The following CA10 variants were observed in gnomAD, a reference collection of about 807,000 sequenced individuals.
The protein encoded by CA10 is carbonic anhydrase-related protein 10.
CA10 carries 14 observed loss-of-function variants against 44.2 expected under a neutral mutation model. The ratio of observed to expected loss-of-function variants is 0.32; its 90% CI spans 0.21 to 0.50. CA10 has a LOEUF of 0.50. CA10 is among the 20% of genes least tolerant of loss of function. The pLI is 0.99. For synonymous variants in CA10, 159 were observed against 141.6 expected (o/e 1.12, Z -0.87); for missense variants, 350 against 409.7 (o/e 0.85, Z 1.26).
chr17:51,910,698 C>T (rs972658598), intron 3 of CA10, among the ~76,000 whole-genome samples: 1 of 152,050 alleles, frequency 6.6e-6, no homozygotes, highest in African/African-American at 2.4e-5. Flanking sequence ...TAAAACACAT[C>T]GATTGTTCAA....
intron 2 of CA10, among the ~76,000 whole-genome samples, chr17:51,988,064 A>C (rs1001913535): frequency 2.6e-5 from 4 of 152,084 alleles, no homozygotes; most frequent in Non-Finnish European, 4.4e-5. Context: ...AATGAATAAT[A>C]GTAATGTCAT....
At chr17:51,921,302 G>A (rs560319996) in intron 3 of CA10, among the ~76,000 whole-genome samples, 1 of 152,072 alleles carries the variant, frequency 6.6e-6, no homozygotes, top group Non-Finnish European at 1.5e-5. Context: ...TCTGTGCCAC[G>A]GGTCTCCATG....
At chr17:52,059,098 T>C (rs1455535620) in intron 2 of CA10, among the ~76,000 whole-genome samples, 1 of 152,146 alleles carries the variant, frequency 6.6e-6, no homozygotes, top group Admixed American at 6.6e-5. Flanking sequence ...TAAATTCTGC[T>C]TGCTTCCTCT....
chr17:51,788,494 A>G (rs951247635), intron 3 of CA10, among the ~76,000 whole-genome samples: 10 of 152,226 alleles, frequency 6.6e-5, no homozygotes, highest in African/African-American at 1.9e-4. Flanking sequence ...TTCATTTAAC[A>G]TGATGACCTC....
chr17:52,044,163 A>T (rs1986844616), intron 2 of CA10, among the ~76,000 whole-genome samples: 1 of 152,060 alleles, frequency 6.6e-6, no homozygotes, highest in Non-Finnish European at 1.5e-5. Context: ...GGTAGAATTC[A>T]CCCATGATCC....
intron 4 of CA10, among the ~76,000 whole-genome samples, chr17:51,716,273 A>G (rs1916111876): frequency 6.6e-6 from 1 of 151,824 alleles, no homozygotes; most frequent in African/African-American, 2.4e-5. Flanking sequence ...TATATTATAG[A>G]CTCTTTAATC....
chr17:51,919,193 C>T (rs1272543405), intron 3 of CA10, among the ~76,000 whole-genome samples: 2 of 151,948 alleles, frequency 1.3e-5, no homozygotes, highest in African/African-American at 2.4e-5. Flanking sequence ...ATTTTCCAAC[C>T]AAAGATACCT....
At chr17:51,760,023 T>C (rs898345984) in intron 3 of CA10, among the ~76,000 whole-genome samples, 2 of 152,216 alleles carry the variant, frequency 1.3e-5, no homozygotes, top group African/African-American at 4.8e-5. Flanking sequence ...TTTAATGTCA[T>C]TTAATTCAAT....
intron 1 of CA10, among the ~76,000 whole-genome samples, chr17:52,094,399 T>C (rs1443751451): frequency 6.6e-6 from 1 of 151,950 alleles, no homozygotes; most frequent in Non-Finnish European, 1.5e-5. Context: ...GAATGTATCG[T>C]CAGGAAACTG....
At chr17:52,157,657 T>C (rs1567751425) in intron 1 of CA10, 69 bp downstream of exon 1, 2 of 1,436,874 alleles carry the variant, frequency 1.4e-6, no homozygotes, top group African/African-American at 1.4e-5. Context: ...CTATATACAA[T>C]AAAACCCCAT....
intron 4 of CA10, among the ~76,000 whole-genome samples, chr17:51,739,610 C>T (rs1243122891): frequency 6.6e-6 from 1 of 152,028 alleles, no homozygotes; most frequent in African/African-American, 2.4e-5. Context: ...AATGCAATGC[C>T]CTCTCTCTTA....
intron 1 of CA10, among the ~76,000 whole-genome samples, chr17:52,111,661 G>A (rs1439771766): frequency 6.6e-6 from 1 of 152,168 alleles, no homozygotes; most frequent in Non-Finnish European, 1.5e-5. Context: ...GAAAGAGAGA[G>A]CTGGGTTGGT....
intron 4 of CA10, among the ~76,000 whole-genome samples, chr17:51,730,565 C>A (rs1567819863): frequency 1.3e-5 from 2 of 152,140 alleles, no homozygotes; most frequent in South Asian, 4.1e-4. Flanking sequence ...GTAAATTAAA[C>A]CCTGACCCCA....
chr17:51,834,021 C>T (rs1365429113), intron 3 of CA10, among the ~76,000 whole-genome samples: 2 of 152,204 alleles, frequency 1.3e-5, no homozygotes, highest in Non-Finnish European at 2.9e-5. Flanking sequence ...ATGTAACTTT[C>T]TTTTCCTATT....
At chr17:51,963,122 T>C (rs918059967) in intron 2 of CA10, among the ~76,000 whole-genome samples, 5 of 152,118 alleles carry the variant, frequency 3.3e-5, no homozygotes, top group Admixed American at 2.6e-4. Flanking sequence ...CAAAATATAA[T>C]TGAAAGCTTT....
chr17:51,873,207 T>C lies in CA10; in HGVS notation c.279+57783A>G, dbSNP rs189993928. ...GCGTTAAAGATTAAATAAAATAATA[T>C]TTGAAGGTACTTAGAACAAGGTACA... On this transcript the variant is annotated intron_variant, in intron 3 of 8. Coordinates refer to ENST00000451037, the MANE Select transcript of CA10 (RefSeq NM_020178.5). 2.0e-5 allele frequency among the ~76,000 whole-genome samples: 3 copies of C among 152,308 alleles called. No homozygotes were observed. In the East Asian group the frequency reaches 5.8e-4, roughly 29 times the overall value.
At chr17:51,959,495 G>A (rs1033003701) in intron 2 of CA10, among the ~76,000 whole-genome samples, 2 of 151,994 alleles carry the variant, frequency 1.3e-5, no homozygotes, top group Non-Finnish European at 2.9e-5. Context: ...GAGAAATCAT[G>A]GAGGAGAAAG....
At chr17:51,690,610 T>C (rs1432152297) in intron 4 of CA10, among the ~76,000 whole-genome samples, 1 of 152,190 alleles carries the variant, frequency 6.6e-6, no homozygotes, top group Non-Finnish European at 1.5e-5. Flanking sequence ...TGAGATCTGA[T>C]GGTTTTACAA....
At chr17:51,742,016 C>T (rs1478162711) in intron 4 of CA10, among the ~76,000 whole-genome samples, 1 of 152,158 alleles carries the variant, frequency 6.6e-6, no homozygotes, top group African/African-American at 2.4e-5. Flanking sequence ...AAATGTAAAC[C>T]ATTCTTAGCT....
Sources: allele counts gnomAD v4.1 joint callset (sites outside exome capture counted in the v4.1 genomes callset), GRCh38; gene constraint gnomAD v4.1.1; transcripts MANE v1.5; gene names NCBI Gene and HGNC (gene_info 2026-07-23, HGNC 2026-07-21).